Variants in SSUH2 observed in about 807,000 individuals in gnomAD.
The protein encoded by SSUH2 is ssu-2 homolog.
Under a neutral mutation model 55.3 loss-of-function variants are expected in SSUH2, and 47 were observed. That is an observed-to-expected ratio of 0.85 (90% confidence interval 0.67 to 1.08). The LOEUF (loss-of-function observed/expected upper bound fraction) is 1.08. Ranked by LOEUF, SSUH2 falls within the 50% of genes least tolerant of loss-of-function variation. The probability of loss-of-function intolerance (pLI) is 0.00; values close to 1 mark genes in which losing one functional copy is unlikely to be tolerated. For missense variants in SSUH2, 535 were observed against 490.7 expected, an observed-to-expected ratio of 1.09 and a Z score of -0.85; for synonymous variants, 212 against 191.5, an observed-to-expected ratio of 1.11 and a Z score of -0.89.
rs753462799 is a variant in SSUH2, at chr3:8,633,703, A to T, written c.302T>A (p.Leu101His). ...CCYSSTVAGD[L>H]VIQELKRQTL... The stretch of plus-strand genomic sequence containing the variant: ...CTGCCGCTTCAGCTCCTGGATGACG[A>T]GGTCTCCAGCCACCGTGCTGCTGTA... Residue 101 changes from leucine to histidine, a missense_variant, in exon 4 of 12, where the codon CTC (leucine) becomes CAC (histidine). Leu to His is a moderately conservative substitution (Grantham distance 99). Coordinates refer to ENST00000544814, the MANE Select transcript of SSUH2 (RefSeq NM_001256748.3). 1.9e-6 allele frequency: 3 copies of T among 1,540,202 alleles called. No individual in the cohort carries two copies. In the African/African-American group the frequency reaches 4.1e-5, roughly 21 times the overall value.
chr3:8,649,637 C>G (rs1702158320), upstream of SSUH2, among the ~76,000 whole-genome samples: 1 of 152,100 alleles, frequency 6.6e-6, no homozygotes. Flanking sequence ...TCCTCATACC[C>G]GCATTCAATG....
chr3:8,641,813 T>C (rs1309429671), intron 1 of SSUH2, among the ~76,000 whole-genome samples: 1 of 152,200 alleles, frequency 6.6e-6, no homozygotes, highest in Non-Finnish European at 1.5e-5. Context: ...CAAGATACAC[T>C]GAGAGCCTGA....
chr3:8,668,585 A>G (rs551330049), intron 5 of SSUH2, among the ~76,000 whole-genome samples: 2 of 152,238 alleles, frequency 1.3e-5, no homozygotes, highest in South Asian at 4.1e-4. Flanking sequence ...GGGCTTAGGA[A>G]CAGTTTCTTT....
At chr3:8,634,802 G>C (rs2125198802) in intron 3 of SSUH2, among the ~76,000 whole-genome samples, 1 of 152,306 alleles carries the variant, frequency 6.6e-6, no homozygotes, top group South Asian at 2.1e-4. Flanking sequence ...AAGCTGGCTG[G>C]AAACCCTGAG....
chr3:8,634,857 C>T (rs191971840), intron 3 of SSUH2, among the ~76,000 whole-genome samples: 14 of 152,280 alleles, frequency 9.2e-5, no homozygotes, highest in East Asian at 7.7e-4. Flanking sequence ...TGGGCCTTTC[C>T]GCGGATCTAG....
At chr3:8,633,639 G>A in intron 4 of SSUH2, 27 bp downstream of exon 4, 1 of 1,493,032 alleles carries the variant, frequency 6.7e-7, no homozygotes, top group Non-Finnish European at 8.9e-7. Flanking sequence ...CCCCGGCCAA[G>A]GCCCCCCACC....
In SSUH2 at chr3:8,625,598, T is replaced by TG. The variant is rs763032537; in HGVS notation, c.816dup (p.Arg273GlnfsTer6). 2.5e-6 allele frequency: 4 copies of TG among 1,614,008 alleles called. No homozygotes were observed. The South Asian group carries it at 4.4e-5, about 18-fold the overall frequency. The stretch of plus-strand genomic sequence containing the variant: ...CCTTTGGCTTTAGCAAGGAGCTCCC[T>TG]GGGGCAGTTGAGCCGGTGCTCAGAC... On this transcript the variant is annotated frameshift_variant, in exon 10 of 12. Coordinates refer to ENST00000544814, the MANE Select transcript of SSUH2 (RefSeq NM_001256748.3). LOFTEE classifies it high-confidence loss of function.
intron 6 of SSUH2, among the ~76,000 whole-genome samples, chr3:8,661,416 G>A (rs906807935): frequency 6.6e-6 from 1 of 152,170 alleles, no homozygotes; most frequent in Non-Finnish European, 1.5e-5. Context: ...AGCAATTTAA[G>A]AGTGGATGCT....
chr3:8,629,651 A>ACAGATGACTCACCAGTGGTTCT lies in SSUH2; in HGVS notation c.588+12_588+13insAGAACCACTGGTGAGTCATCTG. On this transcript the variant is annotated intron_variant, in intron 7 of 11. Transcript: ENST00000544814. Reference sequence around the variant, plus strand: ...ACCCTCACTGACTCACCAGTGGTTCACAGATGACTCACCGTGCCCGCCCCG... The same window carrying ACAGATGACTCACCAGTGGTTCT: ...ACCCTCACTGACTCACCAGTGGTTCACAGATGACTCACCAGTGGTTCTCAGATGACTCACCGTGCCCGCCCCG... The ACAGATGACTCACCAGTGGTTCT allele has an allele frequency of 6.2e-7, 1 of 1,614,026 alleles. No individual in the cohort carries two copies. Among genetic ancestry groups the ACAGATGACTCACCAGTGGTTCT allele is most frequent in the Non-Finnish European group, 8.5e-7 (1 of 1,179,926 alleles).
At chr3:8,680,930 C>T (rs1291855441) in intron 1 of SSUH2, among the ~76,000 whole-genome samples, 1 of 151,960 alleles carries the variant, frequency 6.6e-6, no homozygotes, top group Non-Finnish European at 1.5e-5. Context: ...GCTGGGTGAA[C>T]ACTGCCTGTG....
intron 11 of SSUH2, among the ~76,000 whole-genome samples, chr3:8,620,572 C>T (rs933633609): frequency 4.6e-5 from 7 of 152,204 alleles, no homozygotes; most frequent in South Asian, 4.1e-4. Context: ...TGCTCCTTCA[C>T]GCACCCTAAG....
intron 5 of SSUH2, among the ~76,000 whole-genome samples, chr3:8,665,832 G>C (rs559258595): frequency 1.3e-5 from 2 of 152,042 alleles, no homozygotes; most frequent in Admixed American, 6.5e-5. Context: ...TGTCTGCCCT[G>C]GTTCCTCTTT....
At chr3:8,633,214 G>A (rs1376553784) in intron 4 of SSUH2, among the ~76,000 whole-genome samples, 1 of 147,652 alleles carries the variant, frequency 6.8e-6, no homozygotes, top group East Asian at 2.0e-4. Context: ...CACCATCTCA[G>A]CTCACCACAA....
At chr3:8,680,614 T>A (rs112587196) in intron 1 of SSUH2, among the ~76,000 whole-genome samples, 2 of 152,086 alleles carry the variant, frequency 1.3e-5, no homozygotes, top group African/African-American at 4.8e-5. Flanking sequence ...TTCTGTCATA[T>A]TGAAAGTAAT....
intron 3 of SSUH2, among the ~76,000 whole-genome samples, chr3:8,676,258 C>A (rs1337177999): frequency 6.6e-6 from 1 of 152,016 alleles, no homozygotes; most frequent in South Asian, 2.1e-4. Flanking sequence ...GGAGTAATAT[C>A]ATCCTCTTCC....
Position 8,676,993 on chromosome 3 carries a change from TC to T in SSUH2, c.-753+212del, listed in dbSNP as rs750489371. On this transcript the variant is annotated intron_variant, in intron 3 of 18. Coordinates refer to the SSUH2 transcript ENST00000317371. Reference sequence around the variant, plus strand: ...GCGGGGACTGAGAGCCAGTACCTCTTCCCCCCCTGGCTCTTGAGACCTCCAT... The same window carrying T: ...GCGGGGACTGAGAGCCAGTACCTCTTCCCCCCTGGCTCTTGAGACCTCCAT... Among the ~76,000 whole-genome samples the T allele has an allele frequency of 2.3e-4, 29 of 128,810 alleles. 2 individuals carry two copies. The East Asian group carries it at 6.8e-3, about 30-fold the overall frequency. The allele number at this position is 128,810 out of a possible 152,430, so 84.5% of individuals were successfully genotyped here. A position where few individuals can be genotyped will look rare whatever the true frequency, so the allele number is the denominator to read the frequency against.
At chr3:8,667,614 G>A (rs993153597) in intron 5 of SSUH2, among the ~76,000 whole-genome samples, 3 of 152,128 alleles carry the variant, frequency 2.0e-5, no homozygotes, top group South Asian at 2.1e-4. Context: ...AAAAGCTCTC[G>A]AACTTTGTCC....
At position 8,632,026 on chromosome 3, in the gene SSUH2, C is replaced by CGT. The variant is rs777919876; in HGVS notation, c.400+22_400+23insAC. 1.9e-6 allele frequency: 3 copies of CGT among 1,606,624 alleles called. No homozygotes were observed. In the African/African-American group the frequency reaches 4.0e-5, roughly 22 times the overall value. ...CCTGACTTATTTGCCCCCAGTTAAA[C>CGT]TAATTTCAGACAATTCACTTACTAG... is the stretch of plus-strand genomic sequence containing the variant. On this transcript the variant is annotated intron_variant, in intron 5 of 11. Transcript: ENST00000544814.
At chr3:8,634,308 G>A (rs565312698) in intron 3 of SSUH2, 26 of 1,104,198 alleles carry the variant, frequency 2.4e-5, no homozygotes, top group African/African-American at 3.2e-5. Flanking sequence ...TGGGTGGGAC[G>A]ACAGACAGGG....
Sources: gnomAD v4.1 joint callset for allele counts (sites outside exome capture counted in the v4.1 genomes callset) on GRCh38, gnomAD v4.1.1 for gene constraint, MANE v1.5 for transcripts, NCBI Gene and HGNC (gene_info 2026-07-23, HGNC 2026-07-21) for gene names.